ARHGAP36: variants seen among roughly 807,000 people sequenced by gnomAD.
The protein encoded by ARHGAP36 is Rho GTPase activating protein 36, also known as rho GTPase-activating protein 36.
Under a neutral mutation model 32.9 loss-of-function variants are expected in ARHGAP36, and 7 were observed. The ratio of observed to expected loss-of-function variants is 0.21; its 90% CI spans 0.12 to 0.40. The LOEUF is 0.40. Ranked by LOEUF, ARHGAP36 falls within the 10% of genes least tolerant of loss-of-function variation. The pLI is 1.00. For synonymous variants in ARHGAP36, 165 were observed against 168.3 expected, an observed-to-expected ratio of 0.98 and a Z score of 0.15; for missense variants, 383 against 442.2, an observed-to-expected ratio of 0.87 and a Z score of 1.20.
At position 131,078,091 on chromosome X, in the gene ARHGAP36, T is replaced by C. The variant is rs1454331824; in HGVS notation, c.-142-3433T>C. On this transcript the variant is annotated intron_variant, in intron 1 of 11. Transcript: ENST00000276211. Reference sequence around the variant, plus strand: ...GATACAAATTCTAATTTTATGTAATTACTTTTGAAACATGATTTTTTTTGT... The same window carrying C: ...GATACAAATTCTAATTTTATGTAATCACTTTTGAAACATGATTTTTTTTGT... Among the ~76,000 whole-genome samples, 4 of 111,259 alleles carry C rather than the reference T, an allele frequency of 3.6e-5. No individual in the cohort carries two copies. In the East Asian group the frequency reaches 1.1e-3, roughly 31 times the overall value.
chrX:131,081,991 A>C, intron 2 of ARHGAP36, 73 bp downstream of exon 2: 3 of 1,137,151 alleles, frequency 2.6e-6, no homozygotes, highest in Non-Finnish European at 3.5e-6. Flanking sequence ...GGGGCGGATT[A>C]GGGGTCTGGC....
In ARHGAP36 at chrX:131,087,426, T is replaced by C. The variant is rs771777075; in HGVS notation, c.1486+761T>C. ...CAGCTCTTTATGTGGTTCCAAGCCC[T>C]GAAGAAGCCCCTGGTGGACATGAAA... On this transcript the variant is annotated intron_variant, in intron 11 of 11. Coordinates refer to ENST00000276211, the MANE Select transcript of ARHGAP36 (RefSeq NM_144967.4). Among the ~76,000 whole-genome samples the C allele has an allele frequency of 4.4e-4, 49 of 111,447 alleles. 1 individual carries two copies. Among genetic ancestry groups the C allele is most frequent in the Admixed American group, 9.5e-5 (1 of 10,531 alleles).
intron 1 of ARHGAP36, among the ~76,000 whole-genome samples, chrX:131,067,183 G>T (rs982614754): frequency 1.5e-4 from 17 of 112,095 alleles, no homozygotes; most frequent in African/African-American, 5.2e-4. Context: ...GGCCCAAGGG[G>T]AAAGGGCTTC....
chrX:131,082,099 C>T (rs999664929), intron 2 of ARHGAP36, among the ~76,000 whole-genome samples, 181 bp downstream of exon 2: 1 of 111,470 alleles, frequency 9.0e-6, no homozygotes, highest in Non-Finnish European at 1.9e-5. Context: ...TGTTGAATTG[C>T]GGAAGAGGTA....
intron 1 of ARHGAP36, among the ~76,000 whole-genome samples, chrX:131,077,807 T>TATATATATATATATATATATA (rs1569366758): frequency 1.1e-5 from 1 of 88,052 alleles, no homozygotes; most frequent in African/African-American, 6.0e-5. Flanking sequence ...ATATATATAT[T>TATATATATATATATATATATA]GCTAGTGACA....
Position 131,070,115 on chromosome X carries a change from T to C in ARHGAP36, c.-142-11409T>C, listed in dbSNP as rs143386661. Among the ~76,000 whole-genome samples, 707 of 112,353 alleles carry C rather than the reference T, an allele frequency of 6.3e-3. 3 individuals carry two copies. The highest frequency in any genetic ancestry group is 9.8e-3 in the Non-Finnish European group (524 of 53,228). On this transcript the variant is annotated intron_variant, in intron 1 of 11. Coordinates refer to ENST00000276211, the MANE Select transcript of ARHGAP36 (RefSeq NM_144967.4). ...TGGCTTTGGATAAAGAGTTATTCCATTGGACAAAGAGTTATTCCATTGGAC... is the reference window on the plus strand; with the variant it reads ...TGGCTTTGGATAAAGAGTTATTCCACTGGACAAAGAGTTATTCCATTGGAC...
At chrX:131,083,380 A>G (rs942461715) in intron 3 of ARHGAP36, 150 bp downstream of exon 3, 4 of 582,006 alleles carry the variant, frequency 6.9e-6, no homozygotes, top group Non-Finnish European at 1.1e-5. Flanking sequence ...GATATCAGGA[A>G]ATGGCGCAGT....
In ARHGAP36 at chrX:131,081,139, A is replaced by G. The variant is rs750012309; in HGVS notation, c.-142-385A>G. Among the ~76,000 whole-genome samples, 3 of 110,134 alleles carry G rather than the reference A, an allele frequency of 2.7e-5. No individual in the cohort carries two copies. The South Asian group carries it at 1.2e-3, about 43-fold the overall frequency. ...GATTTTATTAGGATAGATTCCTAGAAGGGGAGTTACTAGGTCAAAGGGCCT... is the reference window on the plus strand; with the variant it reads ...GATTTTATTAGGATAGATTCCTAGAGGGGGAGTTACTAGGTCAAAGGGCCT... On this transcript the variant is annotated intron_variant, in intron 1 of 11. Coordinates refer to ENST00000276211, the MANE Select transcript of ARHGAP36 (RefSeq NM_144967.4).
At chrX:131,082,395 C>A (rs1461996654) in intron 2 of ARHGAP36, among the ~76,000 whole-genome samples, 1 of 112,661 alleles carries the variant, frequency 8.9e-6, no homozygotes, top group Non-Finnish European at 1.9e-5. Flanking sequence ...GCGGTGCGGG[C>A]GCGGGGGCGG....
In ARHGAP36 at chrX:131,062,200, A is replaced by C. The variant is rs189893742; in HGVS notation, c.-143+3756A>C. 2.6e-4 allele frequency among the ~76,000 whole-genome samples: 29 copies of C among 112,618 alleles called. No individual in the cohort carries two copies. The East Asian group carries it at 7.2e-3, about 28-fold the overall frequency. ...GAAAATGGTATGATTGTAACTGTCAAATATGCATTTTTGAAAGACTAGAAA... is the reference window on the plus strand; with the variant it reads ...GAAAATGGTATGATTGTAACTGTCACATATGCATTTTTGAAAGACTAGAAA... On this transcript the variant is annotated intron_variant, in intron 1 of 11. Coordinates refer to ENST00000276211, the MANE Select transcript of ARHGAP36 (RefSeq NM_144967.4).
At position 131,081,588 on chromosome X, in the gene ARHGAP36, A is replaced by AC; in HGVS notation, c.-73dup. 1 of 538,544 alleles carries AC rather than the reference A, an allele frequency of 1.9e-6. No individual in the cohort carries two copies. 44.4% of individuals were successfully genotyped at this position (538,544 alleles called of 1,213,427 possible). A position where few individuals can be genotyped will look rare whatever the true frequency, so the allele number is the denominator to read the frequency against. ...GCCTCCCAGTTTTCCCTCCCCCTCT[A>AC]CCCCCACCCCCATAGTTCTCTCCAC... On this transcript the variant is annotated 5_prime_UTR_variant, in exon 2 of 12. Coordinates refer to ENST00000276211, the MANE Select transcript of ARHGAP36 (RefSeq NM_144967.4).
At chrX:131,085,853 C>T in intron 8 of ARHGAP36, 60 bp from the exon 9 acceptor site, 1 of 1,183,709 alleles carries the variant, frequency 8.4e-7, no homozygotes, top group Non-Finnish European at 1.1e-6. Context: ...GAGACATATT[C>T]ATTTGTACAA....
At chrX:131,081,066 T>C (rs879079801) in intron 1 of ARHGAP36, among the ~76,000 whole-genome samples, 2 of 111,600 alleles carry the variant, frequency 1.8e-5, no homozygotes, top group Admixed American at 9.5e-5. Flanking sequence ...TCCCTTTTTT[T>C]GTTACTATTA....
At chrX:131,078,181 C>G (rs112528445) in intron 1 of ARHGAP36, among the ~76,000 whole-genome samples, 2,067 of 111,168 alleles carry the variant, frequency 0.019, 12 homozygotes, top group South Asian at 0.048. Context: ...ATGCTAAATA[C>G]CACACATAAT....
At chrX:131,076,683 A>T (rs1171991244) in intron 1 of ARHGAP36, among the ~76,000 whole-genome samples, 2 of 111,800 alleles carry the variant, frequency 1.8e-5, no homozygotes, top group Non-Finnish European at 3.8e-5. Context: ...CGTCAATGGC[A>T]AGAGCCCTGA....
chrX:131,062,592 C>T (rs2079675459), intron 1 of ARHGAP36, among the ~76,000 whole-genome samples: 1 of 111,494 alleles, frequency 9.0e-6, no homozygotes, highest in Non-Finnish European at 1.9e-5. Context: ...AGTTACTTAA[C>T]CTCTCTTAAA....
Position 131,059,805 on chromosome X carries a change from T to C in ARHGAP36, c.-143+1361T>C, listed in dbSNP as rs772667363. ...TTAAGGCCTTACTGCTCTAACAGTA[T>C]ACCCTGAAAAAGGGGGTGGGGGAAA... On this transcript the variant is annotated intron_variant, in intron 1 of 11. Coordinates refer to ENST00000276211, the MANE Select transcript of ARHGAP36 (RefSeq NM_144967.4). 4.5e-5 allele frequency among the ~76,000 whole-genome samples: 5 copies of C among 111,700 alleles called. No individual in the cohort carries two copies. In the South Asian group the frequency reaches 1.2e-3, roughly 26 times the overall value.
In ARHGAP36 at chrX:131,081,543, C is replaced by T; in HGVS notation, c.-123C>T. The stretch of plus-strand genomic sequence containing the variant: ...TTTTAGCAAAAACAACCAGAGGCTG[C>T]TCTGCTTGAGGGTGAAGCCGCCTCC... On this transcript the variant is annotated 5_prime_UTR_variant, in exon 2 of 12. Transcript: ENST00000276211. 3.7e-6 allele frequency: 4 copies of T among 1,095,141 alleles called. No homozygotes were observed. Among genetic ancestry groups the T allele is most frequent in the Non-Finnish European group, 4.7e-6 (4 of 842,998 alleles). The allele number at this position is 1,095,141 out of a possible 1,213,427, so 90.3% of individuals were successfully genotyped here. A position where few individuals can be genotyped will look rare whatever the true frequency, so the allele number is the denominator to read the frequency against.
At chrX:131,073,183 A>G (rs2079741497) in intron 1 of ARHGAP36, among the ~76,000 whole-genome samples, 1 of 112,808 alleles carries the variant, frequency 8.9e-6, no homozygotes, top group African/African-American at 3.2e-5. Context: ...GTAAGAGCGC[A>G]AGAAAGATTT....
Sources: gnomAD v4.1 joint callset for allele counts (sites outside exome capture counted in the v4.1 genomes callset) on GRCh38, gnomAD v4.1.1 for gene constraint, MANE v1.5 for transcripts, NCBI Gene and HGNC (gene_info 2026-07-23, HGNC 2026-07-21) for gene names.